Variants in DPPA3 observed in about 807,000 individuals in gnomAD.
DPPA3 encodes developmental pluripotency associated 3, also known as developmental pluripotency-associated protein 3.
Under a neutral mutation model 15.6 loss-of-function variants are expected in DPPA3, and 9 were observed. The observed-to-expected ratio is 0.58, with a 90% CI of 0.35 to 1.01. The LOEUF (loss-of-function observed/expected upper bound fraction) is 1.01. Ranked by LOEUF, DPPA3 falls within the 50% of genes least tolerant of loss-of-function variation. DPPA3 has a pLI of 0.02. For synonymous variants in DPPA3, 61 were observed against 70.9 expected, an observed-to-expected ratio of 0.86 and a Z score of 0.70; for missense variants, 148 against 194.6, an observed-to-expected ratio of 0.76 and a Z score of 1.42.
intron 1 of DPPA3, among the ~76,000 whole-genome samples, chr12:7,712,745 C>CTATTTT (rs142367308): frequency 5.3e-5 from 8 of 151,892 alleles, no homozygotes; most frequent in African/African-American, 1.2e-4. Flanking sequence ...CGCGCCCGTC[C>CTATTTT]TATTTTTATT....
chr12:7,711,720 CTTTTTTTT>C lies in DPPA3; in HGVS notation c.82+90_82+97del, dbSNP rs3069565. On this transcript the variant is annotated intron_variant, in intron 1 of 3. Transcript: ENST00000345088. ...GGTTGGGAGGTCAAAAGGCTGCCGT[CTTTTTTTT>C]TTTTTTTTTTTTTTTTTTTTTAATG... The C allele has an allele frequency of 4.5e-3, 1,543 of 340,404 alleles. 7 individuals are homozygous for C. Among genetic ancestry groups the C allele is most frequent in the South Asian group, 0.025 (590 of 23,832 alleles). The allele number at this position is 340,404 out of a possible 1,614,324, so 21.1% of individuals were successfully genotyped here.
intron 1 of DPPA3, 26 bp downstream of exon 1, chr12:7,711,678 C>T (rs762117939): frequency 8.4e-6 from 12 of 1,423,094 alleles, no homozygotes; most frequent in South Asian, 1.1e-5. Flanking sequence ...CCCTTCTTGA[C>T]TATCTGACTA....
intron 1 of DPPA3, among the ~76,000 whole-genome samples, chr12:7,713,257 C>A (rs931130432): frequency 6.6e-6 from 1 of 152,276 alleles, no homozygotes; most frequent in African/African-American, 2.4e-5. Context: ...CGCTGGCGCG[C>A]TGACGCCCTC....
In DPPA3 at chr12:7,716,967, A is replaced by G; in HGVS notation, c.370A>G (p.Lys124Glu). The part of the protein sequence containing the change: ...PTNKEPKGVK[K>E]ESRPFKCPCS... The stretch of plus-strand genomic sequence containing the variant: ...AATCCATTTCATCATTTTTTTTCAG[A>G]AGGAATCAAGACCATTCAAATGTCC... The change falls in exon 4 of 4, where the codon AAG (lysine) becomes GAG (glutamate). Residue 124 changes from lysine (K) to glutamate (E), a missense_variant and splice_region_variant. Lys to Glu is a moderately conservative substitution (Grantham distance 56). Transcript: ENST00000345088. 6.2e-7 allele frequency: 1 copy of G among 1,610,736 alleles called. No homozygotes were observed.
chr12:7,711,720 C>CTTT (rs3069565), intron 1 of DPPA3, 68 bp downstream of exon 1: 51 of 340,676 alleles, frequency 1.5e-4, no homozygotes, highest in African/African-American at 5.3e-4. Flanking sequence ...AGGCTGCCGT[C>CTTT]TTTTTTTTTT....
At position 7,714,609 on chromosome 12, in the gene DPPA3, G is replaced by C. The variant is rs965922423; in HGVS notation, c.83-574G>C. ...GGTCACTGCAAACCTCCGCTTCCCG[G>C]ATTCAAGCGATTCTCCTGCCTCAGC... On this transcript the variant is annotated intron_variant, in intron 1 of 3. Transcript: ENST00000345088. Among the ~76,000 whole-genome samples, 7 of 152,120 alleles carry C rather than the reference G, an allele frequency of 4.6e-5. 1 individual carries two copies. Among genetic ancestry groups the C allele is most frequent in the Non-Finnish European group, 1.0e-4 (7 of 68,026 alleles).
Position 7,715,156 on chromosome 12 carries a change from G to GTAATGGCTTTTAACCTTCTCTTTCT in DPPA3, c.83-3_83-2insTTAATGGCTTTTAACCTTCTCTTTC, listed in dbSNP as rs751394273. ...TGTGAATGTTGAAGATCCCCTTAAT[G>GTAATGGCTTTTAACCTTCTCTTTCT]TAATGGCTTTTAACCTTCTCTTTCA... is the stretch of plus-strand genomic sequence containing the variant. On this transcript the variant is annotated intron_variant, in intron 1 of 3. Coordinates refer to ENST00000345088, the MANE Select transcript of DPPA3 (RefSeq NM_199286.4). The GTAATGGCTTTTAACCTTCTCTTTCT allele has an allele frequency of 2.2e-5, 36 of 1,612,610 alleles. No homozygotes were observed. In the African/African-American group the frequency reaches 4.3e-4, roughly 19 times the overall value.
chr12:7,716,472 A>C (rs1012208166), intron 3 of DPPA3, among the ~76,000 whole-genome samples: 3 of 152,014 alleles, frequency 2.0e-5, no homozygotes, highest in Non-Finnish European at 2.9e-5. Context: ...CCCACACCCC[A>C]CACATGCCGC....
chr12:7,711,873 T>G lies in DPPA3; in HGVS notation c.82+221T>G, dbSNP rs183212557. 1.7e-3 allele frequency among the ~76,000 whole-genome samples: 261 copies of G among 151,204 alleles called. 5 individuals carry two copies. Among genetic ancestry groups the G allele is most frequent in the Non-Finnish European group, 3.4e-4 (23 of 67,808 alleles). On this transcript the variant is annotated intron_variant, in intron 1 of 3. Transcript: ENST00000345088. ...ATGGTGGTGGTGAGAAATGTATTATTTTATTCACTATGCTTAGGAGTACTT... is the reference window on the plus strand; with the variant it reads ...ATGGTGGTGGTGAGAAATGTATTATGTTATTCACTATGCTTAGGAGTACTT...
At position 7,712,542 on chromosome 12, in the gene DPPA3, G is replaced by A. The variant is rs570589471; in HGVS notation, c.82+890G>A. Among the ~76,000 whole-genome samples the A allele has an allele frequency of 3.0e-4, 45 of 152,136 alleles. 3 individuals carry two copies. In the South Asian group the frequency reaches 8.9e-3, roughly 30 times the overall value. ...GGCTCACTGCAACCTCCGCCTCTCGGGTTCAAGCAATTCTCCTGTCTCAGC... is the reference window on the plus strand; with the variant it reads ...GGCTCACTGCAACCTCCGCCTCTCGAGTTCAAGCAATTCTCCTGTCTCAGC... On this transcript the variant is annotated intron_variant, in intron 1 of 3. Transcript: ENST00000345088.
chr12:7,715,929 C>G (rs1440000656), intron 2 of DPPA3, among the ~76,000 whole-genome samples: 3 of 152,050 alleles, frequency 2.0e-5, no homozygotes, highest in Admixed American at 2.0e-4. Context: ...GCCATCTCTA[C>G]AAAAAATTAA....
At chr12:7,712,632 G>C (rs956797124) in intron 1 of DPPA3, among the ~76,000 whole-genome samples, 2 of 152,206 alleles carry the variant, frequency 1.3e-5, no homozygotes, top group Middle Eastern at 6.8e-3. Flanking sequence ...ATTTTTAGTA[G>C]AGACAGGGTT....
At chr12:7,712,391 A>G (rs191899607) in intron 1 of DPPA3, among the ~76,000 whole-genome samples, 1 of 152,254 alleles carries the variant, frequency 6.6e-6, no homozygotes, top group Non-Finnish European at 1.5e-5. Flanking sequence ...ATGAAACAAT[A>G]TGAGAAACTT....
At chr12:7,713,269 G>A (rs1315196915) in intron 1 of DPPA3, among the ~76,000 whole-genome samples, 2 of 152,252 alleles carry the variant, frequency 1.3e-5, no homozygotes, top group African/African-American at 4.8e-5. Context: ...GACGCCCTCT[G>A]CGCCTGGTCT....
At chr12:7,711,843 C>T (rs561003022) in intron 1 of DPPA3, among the ~76,000 whole-genome samples, 191 bp downstream of exon 1, 129 of 146,782 alleles carry the variant, frequency 8.8e-4, no homozygotes, top group Admixed American at 1.7e-3. Flanking sequence ...TTATTAAAAG[C>T]GGTGATGGTG....
intron 2 of DPPA3, among the ~76,000 whole-genome samples, chr12:7,715,791 AGC>A (rs1491555660): frequency 6.6e-6 from 1 of 151,472 alleles, no homozygotes; most frequent in Non-Finnish European, 1.5e-5. Flanking sequence ...GAACAAAACA[AGC>A]GTCTCAAAAA....
chr12:7,711,964 G>A (rs546471196), intron 1 of DPPA3, among the ~76,000 whole-genome samples: 100 of 143,208 alleles, frequency 7.0e-4, no homozygotes, highest in Non-Finnish European at 1.3e-3. Flanking sequence ...CGCCCAGGCT[G>A]GAGTGCAGTG....
intron 1 of DPPA3, among the ~76,000 whole-genome samples, chr12:7,714,600 C>T (rs1484432596): frequency 2.0e-5 from 3 of 152,022 alleles, no homozygotes; most frequent in African/African-American, 7.2e-5. Flanking sequence ...TGCAAACCTC[C>T]GCTTCCCGGA....
rs111627345 is a variant in DPPA3, at chr12:7,715,432, G to A, written c.327+5G>A. 4 of 1,613,944 alleles carry A rather than the reference G, an allele frequency of 2.5e-6. No individual in the cohort carries two copies. In the African/African-American group the frequency reaches 4.0e-5, roughly 16 times the overall value. Reference sequence around the variant, plus strand: ...TTACTCGGCGGAGTTCGTACGGTATGTTGATGTGATGTGGCCGGGGCTGTC... The same window carrying A: ...TTACTCGGCGGAGTTCGTACGGTATATTGATGTGATGTGGCCGGGGCTGTC... On this transcript the variant is annotated splice_donor_5th_base_variant and intron_variant, in intron 2 of 3. Coordinates refer to ENST00000345088, the MANE Select transcript of DPPA3 (RefSeq NM_199286.4).
Sources: gnomAD v4.1 joint callset for allele counts (sites outside exome capture counted in the v4.1 genomes callset) on GRCh38, gnomAD v4.1.1 for gene constraint, MANE v1.5 for transcripts, NCBI Gene and HGNC (gene_info 2026-07-23, HGNC 2026-07-21) for gene names.